Variants in HFM1 observed in about 807,000 individuals in gnomAD.
The protein encoded by HFM1 is helicase for meiosis 1.
HFM1 carries 169 observed loss-of-function variants against 192.1 expected under a neutral mutation model. That is an observed-to-expected ratio of 0.88 (90% CI 0.78 to 1.00). The LOEUF is 1.00. HFM1 is among the 50% of genes least tolerant of loss of function. The probability of loss-of-function intolerance (pLI) is 0.00; values close to 1 mark genes in which losing one functional copy is unlikely to be tolerated. For missense variants in HFM1, 1,661 were observed against 1,668.0 expected (o/e 1.00, Z 0.07); for synonymous variants, 525 against 537.8 (o/e 0.98, Z 0.33).
chr1:91,308,421 A>G (rs927384109), intron 30 of HFM1, among the ~76,000 whole-genome samples: 3 of 152,196 alleles, frequency 2.0e-5, no homozygotes, highest in African/African-American at 7.2e-5. Context: ...AATTCTAGAA[A>G]GTCCATTTAA....
At chr1:91,278,688 T>C (rs1667180292) in intron 30 of HFM1, among the ~76,000 whole-genome samples, 1 of 152,156 alleles carries the variant, frequency 6.6e-6, no homozygotes, top group African/African-American at 2.4e-5. Flanking sequence ...GGTAAATGGA[T>C]GAGGCTGCTC....
At chr1:91,384,358 G>A (rs551222331) in intron 6 of HFM1, among the ~76,000 whole-genome samples, 21 of 152,216 alleles carry the variant, frequency 1.4e-4, no homozygotes, top group African/African-American at 5.1e-4. Flanking sequence ...GGCATACACA[G>A]GGTATTAAAG....
chr1:91,333,238 G>A (rs995670679), intron 20 of HFM1, among the ~76,000 whole-genome samples: 1 of 152,100 alleles, frequency 6.6e-6, no homozygotes, highest in African/African-American at 2.4e-5. Flanking sequence ...AAGAAAATGT[G>A]GTACATATGC....
chr1:91,378,554 A>T (rs1661194059), intron 9 of HFM1, 74 bp from the exon 10 acceptor site: 1 of 878,598 alleles, frequency 1.1e-6, no homozygotes, highest in Non-Finnish European at 1.8e-6. Context: ...TATCAAAAAC[A>T]TTTTTAACAT....
intron 30 of HFM1, among the ~76,000 whole-genome samples, chr1:91,303,326 G>A (rs950937737): frequency 1.1e-4 from 17 of 152,102 alleles, no homozygotes; most frequent in Admixed American, 2.0e-4. Flanking sequence ...AGGCTCATCC[G>A]TGCTGTAGCA....
At chr1:91,338,212 G>A (rs1005837531) in intron 20 of HFM1, among the ~76,000 whole-genome samples, 1 of 152,168 alleles carries the variant, frequency 6.6e-6, no homozygotes, top group African/African-American at 2.4e-5. Context: ...AAATGGCAGG[G>A]ACAGGACTCC....
At chr1:91,375,757 A>T in intron 11 of HFM1, 30 bp from the exon 12 acceptor site, 1 of 1,594,818 alleles carries the variant, frequency 6.3e-7, no homozygotes, top group Non-Finnish European at 8.6e-7. Flanking sequence ...GTGCATTAAA[A>T]TTTTCTTCTA....
chr1:91,378,031 A>C lies in HFM1; in HGVS notation c.1389T>G (p.Ala463=), dbSNP rs372324104. ...FVAVSATIPN[A]EDIAEWLSDG... is the part of the protein sequence containing the mutation. ...AGTTAAAATTGTAACTCACATCCTC[A>C]GCATTTGGAATTGTTGCAGATACAG... Residue 463 remains alanine, a synonymous_variant, in exon 11 of 39, where the codon GCT becomes GCG. Transcript: ENST00000370425. 3.1e-6 allele frequency: 5 copies of C among 1,610,804 alleles called. No individual in the cohort carries two copies. In the African/African-American group the frequency reaches 6.7e-5, roughly 22 times the overall value.
intron 21 of HFM1, among the ~76,000 whole-genome samples, chr1:91,324,396 C>G (rs1169428802): frequency 6.6e-6 from 1 of 152,158 alleles, no homozygotes; most frequent in African/African-American, 2.4e-5. Context: ...AGGTAATTAG[C>G]ATTATCACCT....
intron 10 of HFM1, 105 bp downstream of exon 10, chr1:91,378,298 G>A (rs1661152608): frequency 8.1e-7 from 1 of 1,236,304 alleles, no homozygotes; most frequent in Non-Finnish European, 1.1e-6. Context: ...TTTTCCACTT[G>A]AAGGGATAAA....
chr1:91,328,811 C>G (rs1355646491), intron 20 of HFM1: 1 of 1,611,218 alleles, frequency 6.2e-7, no homozygotes, highest in African/African-American at 1.3e-5. Flanking sequence ...GTGCAAACAT[C>G]TGCTGAGCCT....
At chr1:91,367,214 C>A (rs921156540) in intron 13 of HFM1, among the ~76,000 whole-genome samples, 1 of 152,206 alleles carries the variant, frequency 6.6e-6, no homozygotes, top group Non-Finnish European at 1.5e-5. Flanking sequence ...CAGCAGAAAC[C>A]TCTGCAGACT....
intron 13 of HFM1, among the ~76,000 whole-genome samples, chr1:91,363,708 T>C (rs774528199): frequency 4.6e-5 from 7 of 152,178 alleles, no homozygotes; most frequent in Non-Finnish European, 8.8e-5. Context: ...GGAATATAAA[T>C]TATTATTTTA....
intron 20 of HFM1, among the ~76,000 whole-genome samples, chr1:91,325,594 A>G (rs1652782566): frequency 6.6e-6 from 1 of 152,160 alleles, no homozygotes; most frequent in African/African-American, 2.4e-5. Context: ...CCACAGCATA[A>G]TCGGGCTTAT....
Position 91,379,172 on chromosome 1 carries a change from C to T in HFM1, c.1049G>A (p.Trp350Ter), listed in dbSNP as rs937887671. Residue 350 changes from tryptophan (W) to a stop codon, truncating the protein, a stop_gained, in exon 9 of 39, where the codon TGG (tryptophan) becomes TAG (stop). Coordinates refer to ENST00000370425, the MANE Select transcript of HFM1 (RefSeq NM_001017975.6). LOFTEE classifies it high-confidence loss of function. The stretch of plus-strand genomic sequence containing the variant: ...TCCTATTGGTCCAAATTTTTCTTTC[C>T]AGTCATCAAAACGCTGACTGCACAA... ...KALCSQRFDD[W>*]KEKFGPIGLN... is the part of the protein sequence containing the mutation. 2 of 1,609,410 alleles carry T rather than the reference C, an allele frequency of 1.2e-6. No individual in the cohort carries two copies. Among genetic ancestry groups the T allele is most frequent in the Admixed American group, 3.4e-5 (2 of 59,350 alleles).
chr1:91,394,196 G>C lies in HFM1; in HGVS notation c.391C>G (p.His131Asp). Residue 131 changes from histidine (H) to aspartate (D), a missense_variant, in exon 4 of 39, where the codon CAC becomes GAC. Transcript: ENST00000370425. ...LTYASQKYKN[H>D]IGTEIAPEKS... ...TCAGGTGCTATCTCAGTGCCAATGT[G>C]ATTTTTATATTTCTGAGAAGCATAT... The C allele has an allele frequency of 1.2e-6, 2 of 1,603,590 alleles. No individual in the cohort carries two copies. The highest frequency in any genetic ancestry group is 1.7e-6 in the Non-Finnish European group (2 of 1,170,638).
Position 91,394,303 on chromosome 1 carries a change from G to T in HFM1, c.284C>A (p.Pro95His), listed in dbSNP as rs1161415166. 2.5e-6 allele frequency: 4 copies of T among 1,590,184 alleles called. No individual in the cohort carries two copies. Among genetic ancestry groups the T allele is most frequent in the Middle Eastern group, 1.7e-4 (1 of 6,012 alleles). Reference sequence around the variant, plus strand: ...ATCATCCTGTTCATATTTATCAGAAGGAAAGGCAAACTGGAATTTTTGTGT... The same window carrying T: ...ATCATCCTGTTCATATTTATCAGAATGAAAGGCAAACTGGAATTTTTGTGT... The part of the protein sequence containing the change: ...SLTQKFQFAF[P>H]SDKYEQDDLN... Residue 95 changes from proline (P) to histidine (H), a missense_variant, in exon 4 of 39, where the codon CCT becomes CAT. By Grantham distance (77) the Pro-to-His change is moderately conservative (BLOSUM62 -2). Transcript: ENST00000370425.
intron 4 of HFM1, among the ~76,000 whole-genome samples, chr1:91,391,112 A>G (rs1178148894): frequency 1.3e-5 from 2 of 152,230 alleles, no homozygotes; most frequent in Non-Finnish European, 2.9e-5. Context: ...GGACACAAAC[A>G]AATGGAAGAA....
rs148044467 is a variant in HFM1 at position 91,290,218 on chromosome 1, C to A, written c.3392-13156G>T. ...CACAACAATATTAACTTTAAATGTACATGGACTAAATGCTCCAATTAAAAG... is the reference window on the plus strand; with the variant it reads ...CACAACAATATTAACTTTAAATGTAAATGGACTAAATGCTCCAATTAAAAG... On this transcript the variant is annotated intron_variant, in intron 30 of 38. Coordinates refer to ENST00000370425, the MANE Select transcript of HFM1 (RefSeq NM_001017975.6). Among the ~76,000 whole-genome samples the A allele has an allele frequency of 7.8e-3, 1,180 of 152,174 alleles. 2 individuals carry two copies. The highest frequency in any genetic ancestry group is 9.6e-3 in the African/African-American group (397 of 41,518).
Sources: gnomAD v4.1 joint callset for allele counts (sites outside exome capture counted in the v4.1 genomes callset) on GRCh38, gnomAD v4.1.1 for gene constraint, MANE v1.5 for transcripts, NCBI Gene and HGNC (gene_info 2026-07-23, HGNC 2026-07-21) for gene names.